The following KCNQ1 variants were observed in gnomAD, a reference collection of about 807,000 sequenced individuals.
KCNQ1 encodes potassium voltage-gated channel subfamily KQT member 1.
A neutral mutation model predicts 72.4 loss-of-function variants in KCNQ1; 49 were observed. The ratio of observed to expected loss-of-function variants is 0.68; its 90% confidence interval spans 0.54 to 0.86. The LOEUF (loss-of-function observed/expected upper bound fraction) is 0.86, where lower values mean the gene tolerates loss of function less well. Among genes scored for constraint, KCNQ1 ranks in the 40% least tolerant of loss-of-function variants. KCNQ1 has a pLI of 0.00. For synonymous variants in KCNQ1, 450 were observed against 412.6 expected (o/e 1.09, Z -1.10); for missense variants, 790 against 945.1 (o/e 0.84, Z 2.15).
rs1044585971 is a variant in KCNQ1 at position 2,725,512 on chromosome 11, C to A, written c.1515-43332C>A. On this transcript the variant is annotated intron_variant, in intron 11 of 15. Coordinates refer to ENST00000155840, the MANE Select transcript of KCNQ1 (RefSeq NM_000218.3). This position sits in a 1 kb window ranked among gnomAD's most constrained non-coding sequence, Gnocchi z 7.2. ...CGTCTTCGAGCTACTGATATAGAAC[C>A]TCTGCGTTTAGCTGTGGTTTAGGAA... Among the ~76,000 whole-genome samples, 1 of 152,206 alleles carries A rather than the reference C, an allele frequency of 6.6e-6. No homozygotes were observed. The highest frequency in any genetic ancestry group is 1.5e-5 in the Non-Finnish European group (1 of 68,032).
Position 2,826,263 on chromosome 11 carries a change from C to G in KCNQ1, c.1795-21504C>G, listed in dbSNP as rs921064426. On this transcript the variant is annotated intron_variant, in intron 15 of 15. Transcript: ENST00000155840. The surrounding 1 kb of genome is among the most constrained non-coding windows in gnomAD (Gnocchi z 4.2). The stretch of plus-strand genomic sequence containing the variant: ...CTGTGACTTGGAAGGAAAGAGGGCC[C>G]GGCCTTTGAAAAATGAAGAAATTGA... Among the ~76,000 whole-genome samples the G allele has an allele frequency of 6.6e-6, 1 of 152,126 alleles. No individual in the cohort carries two copies. Among genetic ancestry groups the G allele is most frequent in the Non-Finnish European group, 1.5e-5 (1 of 68,016 alleles).
intron 1 of KCNQ1, among the ~76,000 whole-genome samples, chr11:2,472,293 T>G (rs1464789548): frequency 6.6e-6 from 1 of 150,716 alleles, no homozygotes; most frequent in African/African-American, 2.4e-5. Flanking sequence ...AGGTGTGTGT[T>G]TTATGTGTGG....
Position 2,813,003 on chromosome 11 carries a change from A to AGCCTGT in KCNQ1, c.1795-34752_1795-34747dup, listed in dbSNP as rs1341952115. On this transcript the variant is annotated intron_variant, in intron 15 of 15. Coordinates refer to ENST00000155840, the MANE Select transcript of KCNQ1 (RefSeq NM_000218.3). This position sits in a 1 kb window ranked among gnomAD's most constrained non-coding sequence, Gnocchi z 4.4. Reference sequence around the variant, plus strand: ...GCCTCCAATCCCTCATTACTGCCCCAGCCTGTGCCTGTGCCTGGAGGCTGT... The same window carrying AGCCTGT: ...GCCTCCAATCCCTCATTACTGCCCCAGCCTGTGCCTGTGCCTGTGCCTGGAGGCTGT... 6.6e-6 allele frequency among the ~76,000 whole-genome samples: 1 copy of AGCCTGT among 152,222 alleles called. No individual in the cohort carries two copies. The highest frequency in any genetic ancestry group is 6.5e-5 in the Admixed American group (1 of 15,284).
chr11:2,699,169 G>C, intron 11 of KCNQ1: 1 of 398,670 alleles, frequency 2.5e-6, no homozygotes, highest in Non-Finnish European at 4.4e-6. Context: ...ACCACCATGA[G>C]AACTATAGAC....
chr11:2,632,235 C>T (rs1849370291), intron 10 of KCNQ1: 1 of 341,620 alleles, frequency 2.9e-6, no homozygotes, highest in Admixed American at 4.8e-5. Flanking sequence ...TACTGACTTA[C>T]TATCCTGCTA....
At chr11:2,694,382 T>C (rs1850638502) in intron 11 of KCNQ1, 1 of 398,654 alleles carries the variant, frequency 2.5e-6, no homozygotes, top group East Asian at 3.6e-5. Flanking sequence ...CTATCATGAC[T>C]ATGGGAGAAT....
rs1851025771 is a variant in KCNQ1, at chr11:2,712,677, C to T, written c.1514+50596C>T. On this transcript the variant is annotated intron_variant, in intron 11 of 15. Transcript: ENST00000155840. The surrounding 1 kb of genome is among the most constrained non-coding windows in gnomAD (Gnocchi z 6.4). ...GCTAAGGCCCCCATCCCTGCTCAGG[C>T]CTACAGGAGAGCCCTGTGGACACTC... Among the ~76,000 whole-genome samples the T allele has an allele frequency of 6.6e-6, 1 of 152,204 alleles. No homozygotes were observed. Among genetic ancestry groups the T allele is most frequent in the Admixed American group, 6.5e-5 (1 of 15,284 alleles).
At chr11:2,788,043 C>G (rs1022432464) in intron 15 of KCNQ1, among the ~76,000 whole-genome samples, 5 of 152,202 alleles carry the variant, frequency 3.3e-5, no homozygotes, top group African/African-American at 9.6e-5. Context: ...CAGGCCAGCC[C>G]CAAGGAAATG....
At chr11:2,739,696 T>C (rs1027206484) in intron 11 of KCNQ1, among the ~76,000 whole-genome samples, 11 of 152,244 alleles carry the variant, frequency 7.2e-5, no homozygotes, top group Admixed American at 1.3e-4. Flanking sequence ...CTCCAGGAGC[T>C]GACATGCTCC....
chr11:2,661,920 G>T lies in KCNQ1; in HGVS notation c.1394-41G>T, dbSNP rs74046836. On this transcript the variant is annotated intron_variant, in intron 10 of 15. Coordinates refer to ENST00000155840, the MANE Select transcript of KCNQ1 (RefSeq NM_000218.3). The surrounding 1 kb of genome is among the most constrained non-coding windows in gnomAD (Gnocchi z 5.9). ...CTGGCTCCACAGCACTGGCAGGTTGGGTGGGAGGCCTAACGTGCTGTCCCC... is the reference window on the plus strand; with the variant it reads ...CTGGCTCCACAGCACTGGCAGGTTGTGTGGGAGGCCTAACGTGCTGTCCCC... 7.8e-4 allele frequency: 1,252 copies of T among 1,613,854 alleles called. 8 individuals are homozygous for T. In the African/African-American group the frequency reaches 0.014, roughly 18 times the overall value.
At chr11:2,680,937 C>T (rs898685984) in intron 11 of KCNQ1, 1 of 398,398 alleles carries the variant, frequency 2.5e-6, no homozygotes, top group African/African-American at 2.1e-5. Flanking sequence ...ATTTTTAAAG[C>T]TGATGGACAC....
At position 2,445,141 on chromosome 11, in the gene KCNQ1, TG is replaced by T; in HGVS notation, c.47del (p.Gly16ValfsTer70). The T allele has an allele frequency of 2.7e-6, 3 of 1,123,122 alleles. No individual in the cohort carries two copies. The highest frequency in any genetic ancestry group is 5.0e-5 in the East Asian group (1 of 19,950). The allele number at this position is 1,123,122 out of a possible 1,614,324, so 69.6% of individuals were successfully genotyped here. ...CCCGCCCAGGGCCGAGAGGAAGCGC[TG>T]GGGTTGGGGCCGCCTGCCAGGCGCC... ...SSPPRAERKR[W>X]GWGRLPGARR... On this transcript the variant is annotated frameshift_variant, in exon 1 of 16. Transcript: ENST00000155840. LOFTEE classifies it high-confidence loss of function.
At position 2,746,564 on chromosome 11, in the gene KCNQ1, G is replaced by A. The variant is rs776310990; in HGVS notation, c.1515-22280G>A. 3.9e-5 allele frequency among the ~76,000 whole-genome samples: 6 copies of A among 152,156 alleles called. No homozygotes were observed. The highest frequency in any genetic ancestry group is 8.8e-5 in the Non-Finnish European group (6 of 68,020). Reference sequence around the variant, plus strand: ...AGGAGGACAGGTCAGGTGTTTGTAGGGTGTCCCTTACTAGGATCCGTCTGC... The same window carrying A: ...AGGAGGACAGGTCAGGTGTTTGTAGAGTGTCCCTTACTAGGATCCGTCTGC... On this transcript the variant is annotated intron_variant, in intron 11 of 15. Transcript: ENST00000155840. This position sits in a 1 kb window ranked among gnomAD's most constrained non-coding sequence, Gnocchi z 5.9.
In KCNQ1 at chr11:2,623,896, G is replaced by C; in HGVS notation, c.1393+35042G>C. The C allele has an allele frequency of 2.5e-6, 1 of 398,554 alleles. No homozygotes were observed. Among genetic ancestry groups the C allele is most frequent in the East Asian group, 3.6e-5 (1 of 28,070 alleles). The allele number at this position is 398,554 out of a possible 1,614,324, so 24.7% of individuals were successfully genotyped here. On this transcript the variant is annotated intron_variant, in intron 10 of 15. Transcript: ENST00000155840. This position sits in a 1 kb window ranked among gnomAD's most constrained non-coding sequence, Gnocchi z 5.2. ...GGGATATGTATACACATTCAGAAGT[G>C]GAATTGATGGATCCTATGATAATTC...
At position 2,492,123 on chromosome 11, in the gene KCNQ1, G is replaced by T. The variant is rs185980179; in HGVS notation, c.387-35805G>T. On this transcript the variant is annotated intron_variant, in intron 1 of 15. Transcript: ENST00000155840. The surrounding 1 kb of genome is among the most constrained non-coding windows in gnomAD (Gnocchi z 4.1). ...AGAAAAGGGTGTTAATAAGCAACAA[G>T]AAATGATGTGAAGGTACAAAACTCA... Among the ~76,000 whole-genome samples, 66 of 152,228 alleles carry T rather than the reference G, an allele frequency of 4.3e-4. No individual in the cohort carries two copies. Among genetic ancestry groups the T allele is most frequent in the Non-Finnish European group, 8.5e-4 (58 of 68,006 alleles).
chr11:2,499,419 A>G (rs1846972157), intron 1 of KCNQ1, among the ~76,000 whole-genome samples: 1 of 152,154 alleles, frequency 6.6e-6, no homozygotes, highest in African/African-American at 2.4e-5. Context: ...TTCACCAGAA[A>G]ACAAATAATA....
chr11:2,607,558 C>T (rs1274036560), intron 10 of KCNQ1, among the ~76,000 whole-genome samples: 1 of 152,104 alleles, frequency 6.6e-6, no homozygotes, highest in Non-Finnish European at 1.5e-5. Context: ...GACAACTGTT[C>T]ATGAACCAGA....
At position 2,752,451 on chromosome 11, in the gene KCNQ1, T is replaced by G. The variant is rs1273619224; in HGVS notation, c.1515-16393T>G. 1.3e-5 allele frequency among the ~76,000 whole-genome samples: 2 copies of G among 152,164 alleles called. No homozygotes were observed. The highest frequency in any genetic ancestry group is 2.9e-5 in the Non-Finnish European group (2 of 68,030). On this transcript the variant is annotated intron_variant, in intron 11 of 15. Transcript: ENST00000155840. This position sits in a 1 kb window ranked among gnomAD's most constrained non-coding sequence, Gnocchi z 5.2. The stretch of plus-strand genomic sequence containing the variant: ...ACCTAGTGTCTTAATCTGTTCAGTC[T>G]GCTATAACCAAATACCTTAGACCTG...
At chr11:2,622,437 T>C (rs1849189983) in intron 10 of KCNQ1, 3 of 398,306 alleles carry the variant, frequency 7.5e-6, no homozygotes, top group Admixed American at 4.4e-5. Flanking sequence ...TACTTGTGTC[T>C]TTAGACCAAA....
Sources: allele counts gnomAD v4.1 joint callset (sites outside exome capture counted in the v4.1 genomes callset), GRCh38; gene constraint gnomAD v4.1.1; non-coding constraint Gnocchi (gnomAD v3.1); transcripts MANE v1.5; gene names NCBI Gene and HGNC (gene_info 2026-07-23, HGNC 2026-07-21).